Variants in TTLL11 observed in about 807,000 individuals in gnomAD.
The protein encoded by TTLL11 is tubulin polyglutamylase TTLL11.
Under a neutral mutation model 51.7 loss-of-function variants are expected in TTLL11, and 42 were observed. The observed-to-expected ratio is 0.81, with a 90% CI of 0.64 to 1.05. The LOEUF is 1.05. TTLL11 is among the 50% of genes least tolerant of loss of function. The pLI, the probability that TTLL11 is intolerant of heterozygous loss-of-function variation, is 0.00. For missense variants in TTLL11, 799 were observed against 940.4 expected (o/e 0.85, Z 1.97); for synonymous variants, 381 against 383.5 (o/e 0.99, Z 0.08).
intron 6 of TTLL11, among the ~76,000 whole-genome samples, chr9:121,964,203 G>A (rs1842328954): frequency 6.6e-6 from 1 of 151,406 alleles, no homozygotes; most frequent in South Asian, 2.1e-4. Flanking sequence ...ACTGTGCCAG[G>A]GACTAAGAAT....
intron 4 of TTLL11, among the ~76,000 whole-genome samples, chr9:121,978,930 A>G (rs372311674): frequency 1.3e-4 from 20 of 152,268 alleles, no homozygotes; most frequent in African/African-American, 4.6e-4. Flanking sequence ...GATGGTCCCA[A>G]TGATCCCTAA....
intron 8 of TTLL11, among the ~76,000 whole-genome samples, chr9:121,827,941 C>G (rs1164685321): frequency 6.6e-6 from 1 of 152,182 alleles, no homozygotes; most frequent in African/African-American, 2.4e-5. Context: ...AGTTTCCAGC[C>G]TTTTCCAGAG....
chr9:121,935,236 C>T (rs1007940966), intron 6 of TTLL11, among the ~76,000 whole-genome samples: 5 of 152,094 alleles, frequency 3.3e-5, no homozygotes, highest in South Asian at 2.1e-4. Flanking sequence ...GGATTACAAG[C>T]GTGAGCCACC....
intron 8 of TTLL11, among the ~76,000 whole-genome samples, chr9:121,843,527 C>T (rs781589152): frequency 6.6e-6 from 1 of 151,934 alleles, no homozygotes; most frequent in Non-Finnish European, 1.5e-5. Context: ...GGAGCCCCAC[C>T]AGGTTCTCAA....
chr9:121,900,351 C>G (rs79005888), intron 6 of TTLL11, among the ~76,000 whole-genome samples: 2,139 of 152,352 alleles, frequency 0.014, 52 homozygotes, highest in African/African-American at 0.049. Context: ...AGTCAGCTGT[C>G]AGTCTTAATT....
chr9:122,026,534 G>A (rs898335269), intron 3 of TTLL11, among the ~76,000 whole-genome samples: 1 of 151,920 alleles, frequency 6.6e-6, no homozygotes, highest in East Asian at 1.9e-4. Context: ...CTTGATTGTG[G>A]TGATGATTTC....
intron 6 of TTLL11, among the ~76,000 whole-genome samples, chr9:121,936,028 A>G (rs1296217334): frequency 6.6e-6 from 1 of 152,186 alleles, no homozygotes; most frequent in Non-Finnish European, 1.5e-5. Context: ...AAACTGAGCT[A>G]TTAACGACTG....
chr9:122,039,170 C>G, intron 2 of TTLL11, 102 bp downstream of exon 2: 3 of 999,512 alleles, frequency 3.0e-6, no homozygotes, highest in Non-Finnish European at 4.6e-6. Context: ...ATTAAGAGTC[C>G]TCAAATCTGA....
chr9:121,994,100 T>C (rs1049605657), intron 3 of TTLL11, among the ~76,000 whole-genome samples: 5 of 152,110 alleles, frequency 3.3e-5, no homozygotes, highest in African/African-American at 1.2e-4. Flanking sequence ...CCACTTAAGA[T>C]GGAAGGCAGT....
intron 3 of TTLL11, among the ~76,000 whole-genome samples, chr9:122,009,356 TTTA>T (rs1332538469): frequency 6.6e-6 from 1 of 152,112 alleles, no homozygotes; most frequent in Non-Finnish European, 1.5e-5. Flanking sequence ...AAATGATAAT[TTTA>T]TTAAGTAAAC....
chr9:122,072,730 C>T (rs1479642452), intron 1 of TTLL11, among the ~76,000 whole-genome samples: 2 of 152,170 alleles, frequency 1.3e-5, no homozygotes, highest in Admixed American at 1.3e-4. Context: ...CTGCCCCCTG[C>T]TACCTTGCTC....
intron 1 of TTLL11, among the ~76,000 whole-genome samples, chr9:122,047,131 C>T (rs758191039): frequency 1.3e-5 from 2 of 152,142 alleles, no homozygotes; most frequent in African/African-American, 2.4e-5. Context: ...AAGGCCACCC[C>T]GTGTCAGGTG....
At chr9:122,087,838 C>A (rs1019399618) in intron 1 of TTLL11, among the ~76,000 whole-genome samples, 15 of 152,178 alleles carry the variant, frequency 9.9e-5, no homozygotes, top group Non-Finnish European at 1.3e-4. Flanking sequence ...AACCAGAAAC[C>A]ATGCCTTTCT....
At position 121,949,337 on chromosome 9, in the gene TTLL11, A is replaced by C. The variant is rs1841779741; in HGVS notation, c.1481+24672T>G. 2.0e-5 allele frequency among the ~76,000 whole-genome samples: 3 copies of C among 152,308 alleles called. No homozygotes were observed. The South Asian group carries it at 6.2e-4, about 32-fold the overall frequency. On this transcript the variant is annotated intron_variant, in intron 6 of 8. Transcript: ENST00000321582. ...ATTGATTCATTAATTAATTTATTCAACAAACATTTACTATTCTATGATGGC... is the reference window on the plus strand; with the variant it reads ...ATTGATTCATTAATTAATTTATTCACCAAACATTTACTATTCTATGATGGC...
intron 6 of TTLL11, among the ~76,000 whole-genome samples, chr9:121,952,928 C>A (rs1282688129): frequency 6.6e-6 from 1 of 152,104 alleles, no homozygotes; most frequent in African/African-American, 2.4e-5. Context: ...CTCTTTATTT[C>A]TTTATCTTAT....
chr9:121,879,529 T>C (rs1271039407), intron 6 of TTLL11, among the ~76,000 whole-genome samples: 1 of 152,218 alleles, frequency 6.6e-6, no homozygotes, highest in Non-Finnish European at 1.5e-5. Context: ...GAAGGGGCAC[T>C]AGCAATGACC....
intron 3 of TTLL11, among the ~76,000 whole-genome samples, chr9:121,992,998 C>T (rs1477359788): frequency 6.6e-6 from 1 of 152,114 alleles, no homozygotes; most frequent in African/African-American, 2.4e-5. Context: ...CCTGAGGATA[C>T]TATGCTAAGT....
At chr9:121,965,351 G>A (rs1280407669) in intron 6 of TTLL11, among the ~76,000 whole-genome samples, 2 of 152,168 alleles carry the variant, frequency 1.3e-5, no homozygotes, top group Admixed American at 6.5e-5. Flanking sequence ...CAATCATGGC[G>A]GAAGGCAAAG....
chr9:122,005,202 G>C (rs1588197617), intron 3 of TTLL11, among the ~76,000 whole-genome samples: 1 of 152,334 alleles, frequency 6.6e-6, no homozygotes, highest in Middle Eastern at 3.4e-3. Flanking sequence ...CTGATCATCT[G>C]TCCGGGTGCG....
Sources: gnomAD v4.1 joint callset for allele counts (sites outside exome capture counted in the v4.1 genomes callset) on GRCh38, gnomAD v4.1.1 for gene constraint, MANE v1.5 for transcripts, NCBI Gene and HGNC (gene_info 2026-07-23, HGNC 2026-07-21) for gene names.